Variants in FAT3 observed in about 807,000 individuals in gnomAD.
The protein encoded by FAT3 is FAT atypical cadherin 3, also known as protocadherin Fat 3.
Under a neutral mutation model 310.2 loss-of-function variants are expected in FAT3, and 95 were observed. The ratio of observed to expected loss-of-function variants is 0.31; its 90% confidence interval spans 0.26 to 0.36. The LOEUF (loss-of-function observed/expected upper bound fraction) is 0.36. Ranked by LOEUF, FAT3 falls within the 10% of genes least tolerant of loss-of-function variation. The probability of loss-of-function intolerance (pLI) is 1.00; values close to 1 mark genes in which losing one functional copy is unlikely to be tolerated. For synonymous variants in FAT3, 2,314 were observed against 2,192.9 expected, an observed-to-expected ratio of 1.06 and a Z score of -1.54; for missense variants, 5,408 against 5,715.6, an observed-to-expected ratio of 0.95 and a Z score of 1.74.
chr11:92,278,889 C>T (rs1946350573), intron 1 of FAT3, among the ~76,000 whole-genome samples: 3 of 152,078 alleles, frequency 2.0e-5, no homozygotes, highest in African/African-American at 7.2e-5. Flanking sequence ...ATGGTCCATG[C>T]CTGTTGATCA....
At chr11:92,723,089 G>A (rs1373344441) in intron 4 of FAT3, among the ~76,000 whole-genome samples, 2 of 152,224 alleles carry the variant, frequency 1.3e-5, no homozygotes, top group East Asian at 3.9e-4. Flanking sequence ...TCAGAAAATG[G>A]GATTTTCTTT....
intron 2 of FAT3, chr11:92,403,470 A>G (rs1591236301): frequency 6.6e-6 from 1 of 152,246 alleles, no homozygotes; most frequent in Non-Finnish European, 1.5e-5. Context: ...GCAGTATGTG[A>G]TTAAGTGCCA....
At chr11:92,657,067 A>G (rs1942606652) in intron 3 of FAT3, among the ~76,000 whole-genome samples, 1 of 152,138 alleles carries the variant, frequency 6.6e-6, no homozygotes, top group African/African-American at 2.4e-5. Flanking sequence ...TTCTACAGGA[A>G]GAGTGTTGGT....
chr11:92,423,826 C>T (rs1950577322), intron 2 of FAT3, among the ~76,000 whole-genome samples: 1 of 152,152 alleles, frequency 6.6e-6, no homozygotes, highest in Non-Finnish European at 1.5e-5. Flanking sequence ...TCAGTTGTTA[C>T]TCTTAAGATC....
At chr11:92,665,724 T>TA (rs1300394340) in intron 3 of FAT3, among the ~76,000 whole-genome samples, 7 of 152,216 alleles carry the variant, frequency 4.6e-5, no homozygotes, top group Non-Finnish European at 1.0e-4. Flanking sequence ...TCTAAATTGT[T>TA]AGAGTCCTCC....
intron 4 of FAT3, among the ~76,000 whole-genome samples, chr11:92,729,063 T>C (rs1230395759): frequency 6.6e-6 from 1 of 152,194 alleles, no homozygotes; most frequent in Non-Finnish European, 1.5e-5. Flanking sequence ...GAATCACAAT[T>C]CACAGAAAGG....
At chr11:92,837,054 A>T (rs929970772) in intron 16 of FAT3, among the ~76,000 whole-genome samples, 8 of 152,168 alleles carry the variant, frequency 5.3e-5, no homozygotes, top group African/African-American at 1.7e-4. Context: ...AGCAGGTACA[A>T]AAAGATCACC....
rs188709504 is a variant in FAT3 at position 92,893,569 on chromosome 11, A to G, written c.*2456A>G. 6.6e-6 allele frequency: 1 copy of G among 152,350 alleles called. No individual in the cohort carries two copies. Among genetic ancestry groups the G allele is most frequent in the Admixed American group, 6.5e-5 (1 of 15,298 alleles). 9.4% of individuals were successfully genotyped at this position (152,350 alleles called of 1,614,324 possible). A position where few individuals can be genotyped will look rare whatever the true frequency, so the allele number is the denominator to read the frequency against. On this transcript the variant is annotated 3_prime_UTR_variant, in exon 28 of 28. Transcript: ENST00000525166. ...CTTTGAGGGAGAATGCCTGACTGAC[A>G]CAGTAATGAAAGAATAAATAGATCC...
At position 92,895,042 on chromosome 11, in the gene FAT3, T is replaced by C. The variant is rs959935492; in HGVS notation, c.*3929T>C. On this transcript the variant is annotated 3_prime_UTR_variant, in exon 28 of 28. Transcript: ENST00000525166. ...TATTAAAATCCAGAAAACAGTTTTA[T>C]GTGAAGTAATTCAGGAAGATCTAGT... is the stretch of plus-strand genomic sequence containing the variant. 2 of 152,234 alleles carry C rather than the reference T, an allele frequency of 1.3e-5. No individual in the cohort carries two copies. Among genetic ancestry groups the C allele is most frequent in the Admixed American group, 6.5e-5 (1 of 15,278 alleles). 9.4% of individuals were successfully genotyped at this position (152,234 alleles called of 1,614,324 possible).
At chr11:92,569,957 T>C (rs1160880107) in intron 3 of FAT3, among the ~76,000 whole-genome samples, 2 of 152,160 alleles carry the variant, frequency 1.3e-5, no homozygotes, top group Admixed American at 1.3e-4. Context: ...GCCTGTGATA[T>C]GTTATGGCTC....
At chr11:92,268,166 C>G (rs1410806255) in intron 1 of FAT3, among the ~76,000 whole-genome samples, 1 of 152,060 alleles carries the variant, frequency 6.6e-6, no homozygotes, top group Admixed American at 6.6e-5. Context: ...TAATCTTAGC[C>G]CTGACAGATA....
chr11:92,847,590 C>A (rs980816456), intron 19 of FAT3, among the ~76,000 whole-genome samples: 1 of 152,172 alleles, frequency 6.6e-6, no homozygotes, highest in Non-Finnish European at 1.5e-5. Flanking sequence ...ATGGGGCTTA[C>A]TAAATGCCCA....
chr11:92,669,705 C>T (rs1943071619), intron 3 of FAT3, among the ~76,000 whole-genome samples: 1 of 152,178 alleles, frequency 6.6e-6, no homozygotes, highest in Non-Finnish European at 1.5e-5. Context: ...AGAACATGTG[C>T]TTTCAGGACA....
At position 92,880,789 on chromosome 11, in the gene FAT3, A is replaced by T. The variant is rs1949655639; in HGVS notation, c.12186A>T (p.Thr4062=). 9.9e-6 allele frequency: 16 copies of T among 1,613,876 alleles called. No individual in the cohort carries two copies. The highest frequency in any genetic ancestry group is 1.3e-5 in the Non-Finnish European group (15 of 1,179,894). Residue 4062 remains threonine (T), a synonymous_variant, in exon 23 of 28, where the codon ACA becomes ACT. Coordinates refer to ENST00000525166, the MANE Select transcript of FAT3 (RefSeq NM_001367949.2). ...FTGRNCESEI[T]ACFPNPCRNG... is the part of the protein sequence containing the mutation. ...GGAGAAACTGTGAATCTGAGATTAC[A>T]GCCTGCTTCCCAAACCCCTGCCGGA...
chr11:92,251,235 A>G lies in FAT3; in HGVS notation c.-18+26061A>G, dbSNP rs113079697. Among the ~76,000 whole-genome samples the G allele has an allele frequency of 5.3e-5, 8 of 152,304 alleles. 1 individual carries two copies. The highest frequency in any genetic ancestry group is 1.7e-4 in the African/African-American group (7 of 41,580). On this transcript the variant is annotated intron_variant, in intron 1 of 27. Transcript: ENST00000525166. ...GCTTCCGAGGTAGGTTCTGTCATCCATCTTTACAGATGAAGCCCTTGAACC... is the reference window on the plus strand; with the variant it reads ...GCTTCCGAGGTAGGTTCTGTCATCCGTCTTTACAGATGAAGCCCTTGAACC...
intron 2 of FAT3, among the ~76,000 whole-genome samples, chr11:92,523,464 CCTAA>C (rs1304462310): frequency 2.0e-5 from 3 of 152,240 alleles, no homozygotes; most frequent in Admixed American, 6.5e-5. Context: ...AGTATTCCAG[CCTAA>C]CTGTTTCTGG....
chr11:92,306,562 TTATATTA>T (rs1227088715), intron 1 of FAT3, among the ~76,000 whole-genome samples: 14 of 129,750 alleles, frequency 1.1e-4, no homozygotes, highest in African/African-American at 4.1e-4. Flanking sequence ...TTATATATAT[TTATATTA>T]TATATTATAT....
intron 2 of FAT3, among the ~76,000 whole-genome samples, chr11:92,499,454 A>T (rs1952863302): frequency 2.0e-5 from 3 of 152,112 alleles, no homozygotes. Context: ...CCAGTAGAGT[A>T]TGCCTTTAGT....
In FAT3 at chr11:92,765,471, C is replaced by CT. The variant is rs557482474; in HGVS notation, c.4195+392dup. Among the ~76,000 whole-genome samples the CT allele has an allele frequency of 6.7e-3, 1,003 of 149,328 alleles. 7 individuals are homozygous for CT. Among genetic ancestry groups the CT allele is most frequent in the African/African-American group, 0.022 (895 of 40,812 alleles). Reference sequence around the variant, plus strand: ...CTTCACCTTTTTTCTGCATTCTGTTCTTTTTTTTTTCTGCTCCCGACTGCC... The same window carrying CT: ...CTTCACCTTTTTTCTGCATTCTGTTCTTTTTTTTTTTCTGCTCCCGACTGCC... On this transcript the variant is annotated intron_variant, in intron 6 of 27. Coordinates refer to ENST00000525166, the MANE Select transcript of FAT3 (RefSeq NM_001367949.2).
Sources: gnomAD v4.1 joint callset for allele counts (sites outside exome capture counted in the v4.1 genomes callset) on GRCh38, gnomAD v4.1.1 for gene constraint, MANE v1.5 for transcripts, NCBI Gene and HGNC (gene_info 2026-07-23, HGNC 2026-07-21) for gene names.